UBL3: variants seen among roughly 807,000 people sequenced by gnomAD.
UBL3 encodes the protein ubiquitin-like protein 3.
UBL3 carries 6 observed loss-of-function variants against 18.4 expected under a neutral mutation model. That is an observed-to-expected ratio of 0.33 (90% confidence interval 0.18 to 0.64). UBL3 has a LOEUF of 0.64. Ranked by LOEUF, UBL3 falls within the 30% of genes least tolerant of loss-of-function variation. The pLI, the probability that UBL3 is intolerant of heterozygous loss-of-function variation, is 0.76. For synonymous variants in UBL3, 49 were observed against 46.6 expected (o/e 1.05, Z -0.21); for missense variants, 109 against 142.9 (o/e 0.76, Z 1.21).
rs2139374787 is a variant in UBL3, at chr13:29,849,597, A to G, written c.-59T>C. The G allele has an allele frequency of 1.9e-6, 3 of 1,601,494 alleles. No individual in the cohort carries two copies. The highest frequency in any genetic ancestry group is 4.5e-5 in the East Asian group (2 of 44,832). ...AAAAAACAAACAAAGAAAAAAGAGCAGAAGTCTTCACGTTACAGAAATAAA... is the reference window on the plus strand; with the variant it reads ...AAAAAACAAACAAAGAAAAAAGAGCGGAAGTCTTCACGTTACAGAAATAAA... On this transcript the variant is annotated 5_prime_UTR_variant, in exon 1 of 5. Coordinates refer to ENST00000380680, the MANE Select transcript of UBL3 (RefSeq NM_007106.4).
intron 1 of UBL3, among the ~76,000 whole-genome samples, chr13:29,788,800 T>G (rs1877391207): frequency 6.6e-6 from 1 of 150,886 alleles, no homozygotes; most frequent in Non-Finnish European, 1.5e-5. Flanking sequence ...ATTCAAACAA[T>G]GCAGTTGCCA....
intron 1 of UBL3, among the ~76,000 whole-genome samples, chr13:29,801,543 C>T (rs1042643975): frequency 1.3e-5 from 2 of 152,138 alleles, no homozygotes; most frequent in Non-Finnish European, 2.9e-5. Flanking sequence ...GTGCAGTCTC[C>T]CCAATCCTTG....
intron 1 of UBL3, among the ~76,000 whole-genome samples, chr13:29,848,922 A>AT (rs1205133814): frequency 2.6e-5 from 4 of 152,378 alleles, no homozygotes; most frequent in African/African-American, 9.6e-5. Context: ...TATTCATTGT[A>AT]AGTACCAATA....
chr13:29,831,319 G>T (rs1275164362), intron 1 of UBL3, among the ~76,000 whole-genome samples: 2 of 152,158 alleles, frequency 1.3e-5, no homozygotes, highest in African/African-American at 4.8e-5. Flanking sequence ...GCTGGGCGCG[G>T]TGGCTCACGC....
At chr13:29,843,923 A>G (rs1337610012) in intron 1 of UBL3, among the ~76,000 whole-genome samples, 1 of 152,236 alleles carries the variant, frequency 6.6e-6, no homozygotes, top group Non-Finnish European at 1.5e-5. Flanking sequence ...GTCATCACGG[A>G]TAAGAACAGC....
At chr13:29,839,265 A>G (rs1307687679) in intron 1 of UBL3, among the ~76,000 whole-genome samples, 5 of 152,238 alleles carry the variant, frequency 3.3e-5, no homozygotes, top group Non-Finnish European at 7.3e-5. Context: ...AATTACCCAC[A>G]AGTGAAATCA....
At chr13:29,832,033 C>T (rs573701184) in intron 1 of UBL3, among the ~76,000 whole-genome samples, 15 of 152,204 alleles carry the variant, frequency 9.9e-5, no homozygotes, top group South Asian at 2.1e-4. Context: ...CCTTACTAGA[C>T]GACACAATAA....
intron 1 of UBL3, among the ~76,000 whole-genome samples, chr13:29,783,104 G>C (rs1425507668): frequency 6.6e-6 from 1 of 152,212 alleles, no homozygotes; most frequent in East Asian, 1.9e-4. Flanking sequence ...ATAGTATGTA[G>C]AACAGGAATG....
At chr13:29,845,797 C>T (rs1345896635) in intron 1 of UBL3, among the ~76,000 whole-genome samples, 3 of 152,140 alleles carry the variant, frequency 2.0e-5, no homozygotes, top group Admixed American at 6.5e-5. Context: ...GTTAAAGATA[C>T]GGGGCTTTTC....
At chr13:29,792,645 G>A (rs1174141752) in intron 1 of UBL3, among the ~76,000 whole-genome samples, 1 of 152,126 alleles carries the variant, frequency 6.6e-6, no homozygotes, top group East Asian at 1.9e-4. Flanking sequence ...ATGATCTCAC[G>A]TGCTCTTAAT....
chr13:29,826,299 A>G (rs1052490229), intron 1 of UBL3, among the ~76,000 whole-genome samples: 2 of 152,218 alleles, frequency 1.3e-5, no homozygotes, highest in African/African-American at 4.8e-5. Context: ...TACCTCTGCT[A>G]GAATTCGGCT....
chr13:29,795,934 CTT>C (rs983402419), intron 1 of UBL3, among the ~76,000 whole-genome samples: 5 of 141,864 alleles, frequency 3.5e-5, no homozygotes, highest in African/African-American at 2.6e-5. Flanking sequence ...TTTGATCTCT[CTT>C]TTTTTTTTTT....
chr13:29,790,635 C>G (rs1270618785), intron 1 of UBL3, among the ~76,000 whole-genome samples: 1 of 152,090 alleles, frequency 6.6e-6, no homozygotes, highest in Non-Finnish European at 1.5e-5. Flanking sequence ...TATATGTTTC[C>G]TTCTTGGAGA....
chr13:29,793,486 T>C (rs958594816), intron 1 of UBL3, among the ~76,000 whole-genome samples: 5 of 152,232 alleles, frequency 3.3e-5, no homozygotes, highest in African/African-American at 1.2e-4. Context: ...GGTATAGGTA[T>C]GGCAACCCTT....
intron 1 of UBL3, among the ~76,000 whole-genome samples, chr13:29,805,774 CT>C (rs796610919): frequency 6.6e-6 from 1 of 152,298 alleles, no homozygotes; most frequent in African/African-American, 2.4e-5. Context: ...ACAGGCTAGA[CT>C]TTTAAATAAA....
chr13:29,828,977 C>T (rs986087545), intron 1 of UBL3, among the ~76,000 whole-genome samples: 1 of 152,170 alleles, frequency 6.6e-6, no homozygotes, highest in African/African-American at 2.4e-5. Context: ...GCAGCGGAGG[C>T]TGCAGAACAG....
At chr13:29,783,165 C>G (rs977912469) in intron 1 of UBL3, among the ~76,000 whole-genome samples, 7 of 152,150 alleles carry the variant, frequency 4.6e-5, no homozygotes, top group African/African-American at 7.2e-5. Context: ...AGTTCAAATG[C>G]GTGAACACCT....
chr13:29,812,077 A>T (rs1178235450), intron 1 of UBL3, among the ~76,000 whole-genome samples: 3 of 152,006 alleles, frequency 2.0e-5, no homozygotes, highest in African/African-American at 7.2e-5. Flanking sequence ...CAATTTGTAA[A>T]AGGCCTAGCT....
chr13:29,772,089 C>A, intron 3 of UBL3, 23 bp downstream of exon 3: 1 of 1,586,798 alleles, frequency 6.3e-7, no homozygotes, highest in Middle Eastern at 1.7e-4. Flanking sequence ...GACATTAAAT[C>A]CCATTACAAA....
Sources: gnomAD v4.1 joint callset for allele counts (sites outside exome capture counted in the v4.1 genomes callset) on GRCh38, gnomAD v4.1.1 for gene constraint, MANE v1.5 for transcripts, NCBI Gene and HGNC (gene_info 2026-07-23, HGNC 2026-07-21) for gene names.